The following BORA variants were observed in gnomAD, a reference collection of about 807,000 sequenced individuals.
BORA encodes the protein protein aurora borealis.
A neutral mutation model predicts 55.8 loss-of-function variants in BORA; 26 were observed. The observed-to-expected ratio is 0.47, with a 90% confidence interval of 0.34 to 0.65. The LOEUF (loss-of-function observed/expected upper bound fraction) is 0.65, where lower values mean the gene tolerates loss of function less well. Ranked by LOEUF, BORA falls within the 30% of genes least tolerant of loss-of-function variation. The pLI is 0.01. For missense variants in BORA, 568 were observed against 671.5 expected, an observed-to-expected ratio of 0.85 and a Z score of 1.70; for synonymous variants, 201 against 216.9, an observed-to-expected ratio of 0.93 and a Z score of 0.64.
In BORA at chr13:72,755,241, TAAG is replaced by T. The variant is rs754878432; in HGVS notation, c.*26_*28del. On this transcript the variant is annotated 3_prime_UTR_variant, in exon 12 of 12. Transcript: ENST00000390667. ...GAATGCCTCTGTCAGAATCAAAGACTAAGCTTAAGAGTTCCTCGCATATATCGT... is the reference window on the plus strand; with the variant it reads ...GAATGCCTCTGTCAGAATCAAAGACTCTTAAGAGTTCCTCGCATATATCGT... 1.1e-5 allele frequency: 17 copies of T among 1,583,772 alleles called. No homozygotes were observed. The highest frequency in any genetic ancestry group is 2.6e-6 in the Non-Finnish European group (3 of 1,153,430).
rs1593815545 is a variant in BORA, at chr13:72,745,329, A to G, written c.738+122A>G. ...CATGGTTGCTTTCTGTCTCTAGTAA[A>G]TAAGTGGAAAAGAGGGATGAGGAAG... On this transcript the variant is annotated intron_variant, in intron 8 of 11. Coordinates refer to ENST00000390667, the MANE Select transcript of BORA (RefSeq NM_024808.5). 2.9e-5 allele frequency: 23 copies of G among 789,908 alleles called. No homozygotes were observed. The South Asian group carries it at 3.5e-4, about 12-fold the overall frequency. 48.9% of individuals were successfully genotyped at this position (789,908 alleles called of 1,614,324 possible).
rs45450891 is a variant in BORA at position 72,755,490 on chromosome 13, A to T, written c.*274A>T. On this transcript the variant is annotated 3_prime_UTR_variant, in exon 12 of 12. Coordinates refer to ENST00000390667, the MANE Select transcript of BORA (RefSeq NM_024808.5). ...TTAACAACAAATTGTGACAGAGCTG[A>T]GTGCTCCTATCTTACAGGGTCAATG... 3,611 of 434,788 alleles carry T rather than the reference A, an allele frequency of 8.3e-3. 25 individuals are homozygous for T. Among genetic ancestry groups the T allele is most frequent in the Non-Finnish European group, 0.012 (2,870 of 246,304 alleles). The allele number at this position is 434,788 out of a possible 1,614,324, so 26.9% of individuals were successfully genotyped here.
At chr13:72,730,907 A>AC (rs1223507165) in intron 2 of BORA, among the ~76,000 whole-genome samples, 9 of 55,064 alleles carry the variant, frequency 1.6e-4, no homozygotes, top group East Asian at 6.2e-4. Context: ...AAAAAAAAAA[A>AC]AAATACAAAA....
At position 72,755,615 on chromosome 13, in the gene BORA, G is replaced by A; in HGVS notation, c.*399G>A. 1 of 355,528 alleles carries A rather than the reference G, an allele frequency of 2.8e-6. No homozygotes were observed. The highest frequency in any genetic ancestry group is 5.0e-6 in the Non-Finnish European group (1 of 200,388). 22.0% of individuals were successfully genotyped at this position (355,528 alleles called of 1,614,324 possible). On this transcript the variant is annotated 3_prime_UTR_variant, in exon 12 of 12. Transcript: ENST00000390667. The stretch of plus-strand genomic sequence containing the variant: ...AGGCACTATATATTTTTACATAAAA[G>A]CTTGAACATACAGATGAATTATAAC...
chr13:72,752,756 T>C (rs2033311470), intron 10 of BORA: 1 of 134,988 alleles, frequency 7.4e-6, no homozygotes, highest in African/African-American at 2.8e-5. Flanking sequence ...CTGGGAACAT[T>C]TTTTCAGGAT....
intron 10 of BORA, chr13:72,752,846 T>G (rs1334511862): frequency 6.6e-6 from 1 of 152,172 alleles, no homozygotes; most frequent in Non-Finnish European, 1.5e-5. Flanking sequence ...GCTTTTTCCT[T>G]CCCTCTGATC....
At chr13:72,755,063 C>T (rs1473244525) in intron 11 of BORA, 88 bp from the exon 12 acceptor site, 4 of 1,080,758 alleles carry the variant, frequency 3.7e-6, no homozygotes, top group Non-Finnish European at 5.7e-6. Context: ...AAGAAACGTG[C>T]TTTTAGGTTT....
intron 10 of BORA, among the ~76,000 whole-genome samples, chr13:72,749,004 T>TCTCA (rs2033209502): frequency 6.6e-6 from 1 of 152,134 alleles, no homozygotes; most frequent in Non-Finnish European, 1.5e-5. Context: ...CCCCAAGCAG[T>TCTCA]CTCAGTTTTA....
At chr13:72,738,625 T>C (rs182298672) in intron 5 of BORA, among the ~76,000 whole-genome samples, 5 of 152,152 alleles carry the variant, frequency 3.3e-5, no homozygotes, top group African/African-American at 1.2e-4. Flanking sequence ...CAGGAATCAC[T>C]TGTATATATG....
chr13:72,742,767 TACACACACACACACACACACACACAC>T (rs67866253), intron 5 of BORA, among the ~76,000 whole-genome samples: 6 of 141,654 alleles, frequency 4.2e-5, no homozygotes, highest in African/African-American at 7.9e-5. Context: ...TATATATATA[TACACACACACACACACACACACACAC>T]ACACACACAC....
In BORA at chr13:72,746,426, T is replaced by C. The variant is rs1482638025; in HGVS notation, c.872-75T>C. The C allele has an allele frequency of 3.4e-6, 5 of 1,473,216 alleles. No individual in the cohort carries two copies. In the East Asian group the frequency reaches 6.8e-5, roughly 20 times the overall value. 91.3% of individuals were successfully genotyped at this position (1,473,216 alleles called of 1,614,324 possible). ...ATGCAGTTTTTCCTGGCATGAAACA[T>C]GATTACCATTTAGTAGTGACTTTTC... is the stretch of plus-strand genomic sequence containing the variant. On this transcript the variant is annotated intron_variant, in intron 9 of 11. Coordinates refer to ENST00000390667, the MANE Select transcript of BORA (RefSeq NM_024808.5).
chr13:72,736,381 T>C lies in BORA; in HGVS notation c.306+1376T>C, dbSNP rs533821847. Among the ~76,000 whole-genome samples, 47 of 152,242 alleles carry C rather than the reference T, an allele frequency of 3.1e-4. 3 individuals carry two copies. Among genetic ancestry groups the C allele is most frequent in the African/African-American group, 1.1e-3 (44 of 41,560 alleles). On this transcript the variant is annotated intron_variant, in intron 4 of 11. Coordinates refer to ENST00000390667, the MANE Select transcript of BORA (RefSeq NM_024808.5). ...TCCCACTTCATGAAGGTAATGACTA[T>C]AACATTTCTTATGTGTACTTTCAGA...
intron 10 of BORA, among the ~76,000 whole-genome samples, chr13:72,750,261 G>C (rs2033238699): frequency 6.6e-6 from 1 of 152,154 alleles, no homozygotes; most frequent in Non-Finnish European, 1.5e-5. Context: ...ATAGGAGCAA[G>C]CAACATTGGG....
chr13:72,733,590 T>G (rs1489092566), intron 3 of BORA, among the ~76,000 whole-genome samples: 1 of 152,226 alleles, frequency 6.6e-6, no homozygotes, highest in Non-Finnish European at 1.5e-5. Context: ...GCAGTAATCC[T>G]AGTTCAGAGC....
At chr13:72,729,960 CTTT>C (rs777576799) in intron 2 of BORA, among the ~76,000 whole-genome samples, 2 of 142,256 alleles carry the variant, frequency 1.4e-5, no homozygotes, top group Non-Finnish European at 1.5e-5. Context: ...ATCACTTTAT[CTTT>C]TTTTTTTTTT....
At chr13:72,744,454 T>C (rs1323689674) in intron 6 of BORA, 51 bp from the exon 7 acceptor site, 5 of 1,478,810 alleles carry the variant, frequency 3.4e-6, no homozygotes, top group African/African-American at 1.4e-5. Flanking sequence ...GTGTATACTT[T>C]CATTGATTTA....
intron 11 of BORA, 199 bp from the exon 12 acceptor site, chr13:72,754,952 G>A (rs1187466467): frequency 6.0e-6 from 3 of 504,094 alleles, no homozygotes; most frequent in Admixed American, 6.9e-5. Context: ...GGGCTCGTGC[G>A]ATCCTCCCAC....
chr13:72,743,469 G>T, intron 5 of BORA, 68 bp from the exon 6 acceptor site: 1 of 1,141,432 alleles, frequency 8.8e-7, no homozygotes. Flanking sequence ...TTTTTACTTT[G>T]GAAAAAGTAA....
chr13:72,743,297 TA>T (rs200862411), intron 5 of BORA, among the ~76,000 whole-genome samples: 1 of 152,092 alleles, frequency 6.6e-6, no homozygotes, highest in South Asian at 2.1e-4. Context: ...AAGAAAAATG[TA>T]AAAAAAATAT....
Sources: gnomAD v4.1 joint callset for allele counts (sites outside exome capture counted in the v4.1 genomes callset) on GRCh38, gnomAD v4.1.1 for gene constraint, MANE v1.5 for transcripts, NCBI Gene and HGNC (gene_info 2026-07-23, HGNC 2026-07-21) for gene names.